FHIT: variants seen among roughly 807,000 people sequenced by gnomAD.
FHIT encodes the protein fragile histidine triad diadenosine triphosphatase.
FHIT carries 19 observed loss-of-function variants against 17.9 expected under a neutral mutation model. The ratio of observed to expected loss-of-function variants is 1.06; its 90% CI spans 0.74 to 1.56. FHIT has a LOEUF of 1.56. Among genes scored for constraint, FHIT ranks in the 40% most tolerant of loss-of-function variants. FHIT has a pLI of 0.00. For synonymous variants in FHIT, 81 were observed against 69.7 expected, an observed-to-expected ratio of 1.16 and a Z score of -0.81; for missense variants, 248 against 189.2, an observed-to-expected ratio of 1.31 and a Z score of -1.82.
chr3:60,606,280 A>G (rs1249380712), intron 4 of FHIT, among the ~76,000 whole-genome samples: 1 of 149,722 alleles, frequency 6.7e-6, no homozygotes. Context: ...TCGTTCTGTC[A>G]CCCAGGCTGG....
At chr3:60,063,049 A>G (rs1702356666) in intron 5 of FHIT, among the ~76,000 whole-genome samples, 1 of 152,196 alleles carries the variant, frequency 6.6e-6, no homozygotes, top group Non-Finnish European at 1.5e-5. Flanking sequence ...ATGCCTGGGG[A>G]GAAGACTGTT....
At chr3:60,949,428 C>A (rs1411410212) in intron 3 of FHIT, among the ~76,000 whole-genome samples, 5 of 152,276 alleles carry the variant, frequency 3.3e-5, no homozygotes, top group African/African-American at 1.2e-4. Flanking sequence ...AGAAACACAA[C>A]GCCAAGGGAA....
At chr3:60,490,412 T>A (rs2034015142) in intron 5 of FHIT, among the ~76,000 whole-genome samples, 1 of 152,118 alleles carries the variant, frequency 6.6e-6, no homozygotes, top group Non-Finnish European at 1.5e-5. Flanking sequence ...TGCTAGACAT[T>A]CCATTTTGCT....
chr3:60,784,433 C>T (rs1264678058), intron 4 of FHIT, among the ~76,000 whole-genome samples: 1 of 151,596 alleles, frequency 6.6e-6, no homozygotes, highest in African/African-American at 2.4e-5. Context: ...GCCTCCCAAG[C>T]TCAAGTGATC....
intron 5 of FHIT, among the ~76,000 whole-genome samples, chr3:60,461,127 C>T (rs1470340141): frequency 6.6e-6 from 1 of 152,100 alleles, no homozygotes; most frequent in Non-Finnish European, 1.5e-5. Context: ...TTTCTTCACA[C>T]TGAAAAATAA....
At chr3:60,704,539 T>TTCTGAAATG (rs1199482493) in intron 4 of FHIT, among the ~76,000 whole-genome samples, 1 of 152,212 alleles carries the variant, frequency 6.6e-6, no homozygotes, top group Non-Finnish European at 1.5e-5. Context: ...GCATCAGCAC[T>TTCTGAAATG]TCTGATCTAA....
rs149743808 is a variant in FHIT, at chr3:60,162,853, T to C, written c.104-148701A>G. Among the ~76,000 whole-genome samples, 313 of 152,274 alleles carry C rather than the reference T, an allele frequency of 2.1e-3. 2 individuals carry two copies. Among genetic ancestry groups the C allele is most frequent in the African/African-American group, 7.0e-3 (289 of 41,562 alleles). On this transcript the variant is annotated intron_variant, in intron 5 of 9. Transcript: ENST00000492590. Reference sequence around the variant, plus strand: ...GGATATTGAGAGACCTGGATTATAATTGGAATTTTTGACTAAGGTAAACAT... The same window carrying C: ...GGATATTGAGAGACCTGGATTATAACTGGAATTTTTGACTAAGGTAAACAT...
Position 60,408,003 on chromosome 3 carries a change from G to A in FHIT, c.103+128857C>T, listed in dbSNP as rs548060489. On this transcript the variant is annotated intron_variant, in intron 5 of 9. Transcript: ENST00000492590. ...TTCAAGTATCAGTTGCATACTAAAC[G>A]AAGGCTCTACCAATGACAGCACATG... Among the ~76,000 whole-genome samples, 29 of 152,208 alleles carry A rather than the reference G, an allele frequency of 1.9e-4. 1 individual carries two copies. The South Asian group carries it at 3.1e-3, about 16-fold the overall frequency.
At chr3:60,504,082 T>C (rs558100156) in intron 5 of FHIT, among the ~76,000 whole-genome samples, 95 of 152,288 alleles carry the variant, frequency 6.2e-4, no homozygotes, top group African/African-American at 2.1e-3. Flanking sequence ...AATTGTGAAG[T>C]ATATTCTCTA....
intron 7 of FHIT, among the ~76,000 whole-genome samples, chr3:59,976,379 A>C (rs766974441): frequency 6.6e-6 from 1 of 152,120 alleles, no homozygotes; most frequent in Non-Finnish European, 1.5e-5. Flanking sequence ...GCAAATCAGC[A>C]TACTTTTCAA....
chr3:60,482,490 GTGCAATCAAA>G (rs2033654813), intron 5 of FHIT, among the ~76,000 whole-genome samples: 1 of 152,126 alleles, frequency 6.6e-6, no homozygotes, highest in Non-Finnish European at 1.5e-5. Flanking sequence ...TAGGACCACA[GTGCAATCAAA>G]TTAGAACTCA....
intron 4 of FHIT, among the ~76,000 whole-genome samples, chr3:60,818,721 C>T (rs782208475): frequency 6.6e-6 from 1 of 152,102 alleles, no homozygotes; most frequent in African/African-American, 2.4e-5. Flanking sequence ...TGTTTATATA[C>T]AGATTTGGGA....
intron 4 of FHIT, among the ~76,000 whole-genome samples, chr3:60,803,192 G>T (rs1344049398): frequency 1.3e-5 from 2 of 152,140 alleles, no homozygotes; most frequent in African/African-American, 4.8e-5. Flanking sequence ...CGGTGGGGTT[G>T]CTCTTTGTTA....
chr3:59,899,434 A>C (rs1418906278), intron 8 of FHIT, among the ~76,000 whole-genome samples: 1 of 152,172 alleles, frequency 6.6e-6, no homozygotes, highest in Non-Finnish European at 1.5e-5. Context: ...ATCTAGGGAG[A>C]GCATGTCTTT....
At chr3:60,791,266 AG>A (rs1409161798) in intron 4 of FHIT, among the ~76,000 whole-genome samples, 12 of 152,320 alleles carry the variant, frequency 7.9e-5, no homozygotes, top group African/African-American at 2.9e-4. Context: ...TCTCAGCTAA[AG>A]AGAAAAAAAA....
chr3:60,377,511 G>T, intron 5 of FHIT, among the ~76,000 whole-genome samples: 1 of 100,084 alleles, frequency 1.0e-5, no homozygotes. Context: ...GTCTCGCTCT[G>T]TCGCCCAGGC....
chr3:59,875,588 A>G (rs17061295), intron 8 of FHIT, among the ~76,000 whole-genome samples: 1,953 of 152,362 alleles, frequency 0.013, 17 homozygotes, highest in Admixed American at 0.032. Flanking sequence ...AGGAGCATCT[A>G]GATATCTTTG....
chr3:61,055,871 T>G (rs1178082997), intron 2 of FHIT, among the ~76,000 whole-genome samples: 1 of 152,184 alleles, frequency 6.6e-6, no homozygotes, highest in Non-Finnish European at 1.5e-5. Context: ...ATAGTGTATA[T>G]ATTTATGGGT....
intron 3 of FHIT, among the ~76,000 whole-genome samples, chr3:61,039,434 T>C (rs141532325): frequency 7.2e-5 from 11 of 152,294 alleles, no homozygotes; most frequent in Non-Finnish European, 1.3e-4. Context: ...TTGTGCCCTA[T>C]ATTCTTTAAA....
Sources: gnomAD v4.1 joint callset for allele counts (sites outside exome capture counted in the v4.1 genomes callset) on GRCh38, gnomAD v4.1.1 for gene constraint, MANE v1.5 for transcripts, NCBI Gene and HGNC (gene_info 2026-07-23, HGNC 2026-07-21) for gene names.